The following LANCL1 variants were observed in gnomAD, a reference collection of about 807,000 sequenced individuals.
The protein encoded by LANCL1 is LanC like glutathione S-transferase 1.
A neutral mutation model predicts 50.6 loss-of-function variants in LANCL1; 50 were observed. That is an observed-to-expected ratio of 0.99 (90% CI 0.79 to 1.25). The LOEUF (loss-of-function observed/expected upper bound fraction) is 1.25. LANCL1 is among the 50% of genes most tolerant of loss of function. The pLI is 0.00. For synonymous variants in LANCL1, 188 were observed against 178.6 expected (o/e 1.05, Z -0.42); for missense variants, 532 against 480.7 (o/e 1.11, Z -1.00).
Position 210,476,602 on chromosome 2 carries a change from C to G in LANCL1, c.-17+18G>C, listed in dbSNP as rs1212026565. ...ACATGGCGCCTTCGCGAAAAAGCTG[C>G]CAGGGCCCTTAACCCACCCGGACAA... On this transcript the variant is annotated intron_variant, in intron 1 of 9. Transcript: ENST00000450366. 2.9e-6 allele frequency: 4 copies of G among 1,364,082 alleles called. No individual in the cohort carries two copies. Among genetic ancestry groups the G allele is most frequent in the Non-Finnish European group, 3.8e-6 (4 of 1,057,894 alleles). The allele number at this position is 1,364,082 out of a possible 1,614,324, so 84.5% of individuals were successfully genotyped here. A position where few individuals can be genotyped will look rare whatever the true frequency, so the allele number is the denominator to read the frequency against.
At chr2:210,456,622 G>A (rs1022311380) in intron 3 of LANCL1, among the ~76,000 whole-genome samples, 2 of 151,840 alleles carry the variant, frequency 1.3e-5, no homozygotes, top group African/African-American at 4.8e-5. Context: ...GATGTCAAGA[G>A]CTTCTTCTAA....
intron 3 of LANCL1, 108 bp from the exon 4 acceptor site, chr2:210,455,422 T>A: frequency 1.2e-6 from 1 of 862,870 alleles, no homozygotes; most frequent in Non-Finnish European, 1.8e-6. Context: ...GTAGCAAATT[T>A]ATTAATGATC....
chr2:210,466,140 C>A (rs571437248), intron 3 of LANCL1, among the ~76,000 whole-genome samples: 102 of 152,250 alleles, frequency 6.7e-4, no homozygotes, highest in South Asian at 2.5e-3. Context: ...AAATATCTTG[C>A]CAGTAGGGAC....
At chr2:210,444,063 A>G (rs1479824585) in intron 4 of LANCL1, among the ~76,000 whole-genome samples, 2 of 152,134 alleles carry the variant, frequency 1.3e-5, no homozygotes, top group Non-Finnish European at 1.5e-5. Flanking sequence ...TCTTCTTCCT[A>G]AAGTGTTTGC....
Position 210,436,395 on chromosome 2 carries a change from G to A in LANCL1, c.874-3C>T, listed in dbSNP as rs1472735322. On this transcript the variant is annotated splice_region_variant and splice_polypyrimidine_tract_variant and intron_variant, in intron 7 of 9. Coordinates refer to ENST00000450366, the MANE Select transcript of LANCL1 (RefSeq NM_006055.3). ...AGATACTTTTCCTCTCTGAATACCT[G>A]CAGAGGCAAAGGACACATTTTATTA... 1.2e-6 allele frequency: 2 copies of A among 1,612,256 alleles called. No homozygotes were observed. Among genetic ancestry groups the A allele is most frequent in the Middle Eastern group, 1.6e-4 (1 of 6,076 alleles).
In LANCL1 at chr2:210,431,991, A is replaced by G. The variant is rs1427668032; in HGVS notation, c.*2496T>C. The G allele has an allele frequency of 6.6e-6, 1 of 152,212 alleles. No individual in the cohort carries two copies. The highest frequency in any genetic ancestry group is 1.9e-4 in the East Asian group (1 of 5,204). 9.4% of individuals were successfully genotyped at this position (152,212 alleles called of 1,614,324 possible). A position where few individuals can be genotyped will look rare whatever the true frequency, so the allele number is the denominator to read the frequency against. Reference sequence around the variant, plus strand: ...GAAGGTTTTATTACCTAGTCCCTGTATAGAGATAAGAGATGATGGTATTGA... The same window carrying G: ...GAAGGTTTTATTACCTAGTCCCTGTGTAGAGATAAGAGATGATGGTATTGA... On this transcript the variant is annotated 3_prime_UTR_variant, in exon 10 of 10. Coordinates refer to ENST00000450366, the MANE Select transcript of LANCL1 (RefSeq NM_006055.3).
intron 3 of LANCL1, among the ~76,000 whole-genome samples, chr2:210,471,126 A>G (rs778549106): frequency 6.9e-6 from 1 of 145,600 alleles, no homozygotes; most frequent in Non-Finnish European, 1.5e-5. Flanking sequence ...ATCTCACTGC[A>G]ATCTCCACCT....
intron 5 of LANCL1, among the ~76,000 whole-genome samples, 185 bp from the exon 6 acceptor site, chr2:210,440,929 G>C (rs764329636): frequency 5.9e-5 from 9 of 152,314 alleles, no homozygotes; most frequent in African/African-American, 2.2e-4. Context: ...AGCCTAGAAG[G>C]GGGAGGGCGT....
intron 4 of LANCL1, among the ~76,000 whole-genome samples, chr2:210,443,567 C>CCA (rs1693214969): frequency 6.6e-6 from 1 of 152,088 alleles, no homozygotes; most frequent in African/African-American, 2.4e-5. Context: ...ATAGTCCCTT[C>CCA]CAGTTTAGAA....
At chr2:210,462,134 C>T (rs916117306) in intron 3 of LANCL1, among the ~76,000 whole-genome samples, 1 of 152,122 alleles carries the variant, frequency 6.6e-6, no homozygotes, top group Non-Finnish European at 1.5e-5. Context: ...TGGTGAGACC[C>T]CAGTGATCTC....
At chr2:210,441,109 C>A (rs766382895) in intron 5 of LANCL1, among the ~76,000 whole-genome samples, 199 bp downstream of exon 5, 3 of 152,162 alleles carry the variant, frequency 2.0e-5, no homozygotes, top group Non-Finnish European at 2.9e-5. Context: ...GACTGGCCTT[C>A]GGACTCTTGA....
chr2:210,459,577 T>C (rs1400723877), intron 3 of LANCL1, among the ~76,000 whole-genome samples: 4 of 152,092 alleles, frequency 2.6e-5, no homozygotes, highest in African/African-American at 9.7e-5. Context: ...GCTGTCGCGA[T>C]GGAAATAACA....
chr2:210,434,392 C>G lies in LANCL1; in HGVS notation c.*95G>C. 3.5e-6 allele frequency: 3 copies of G among 858,418 alleles called. No individual in the cohort carries two copies. Among genetic ancestry groups the G allele is most frequent in the Non-Finnish European group, 5.5e-6 (3 of 547,230 alleles). 53.2% of individuals were successfully genotyped at this position (858,418 alleles called of 1,614,324 possible). On this transcript the variant is annotated 3_prime_UTR_variant, in exon 10 of 10. Transcript: ENST00000450366. ...TAACAAAATCAAGTCCACAGTTTGA[C>G]TCTTTGTTTCCTTGGAAAGCAACGG...
At chr2:210,460,572 A>T (rs1016632619) in intron 3 of LANCL1, 2 of 152,206 alleles carry the variant, frequency 1.3e-5, no homozygotes, top group African/African-American at 4.8e-5. Context: ...GTTCCTTTGT[A>T]ATTGTTTCTC....
At chr2:210,455,008 A>T in intron 4 of LANCL1, 99 bp downstream of exon 4, 2 of 964,770 alleles carry the variant, frequency 2.1e-6, no homozygotes, top group Non-Finnish European at 3.1e-6. Flanking sequence ...TTTATCTGCT[A>T]AGAGAAAAGT....
chr2:210,435,539 A>ACTTT, intron 8 of LANCL1, 80 bp from the exon 9 acceptor site: 1 of 1,044,010 alleles, frequency 9.6e-7, no homozygotes, highest in South Asian at 1.3e-5. Flanking sequence ...GTCTATACAA[A>ACTTT]TTACTCTGAA....
chr2:210,467,119 G>A (rs1303198354), intron 3 of LANCL1, among the ~76,000 whole-genome samples: 2 of 152,190 alleles, frequency 1.3e-5, no homozygotes, highest in African/African-American at 2.4e-5. Context: ...ACCAGAAAAT[G>A]AACTGATGTT....
intron 6 of LANCL1, among the ~76,000 whole-genome samples, chr2:210,439,736 G>A (rs930980297): frequency 6.6e-6 from 1 of 152,108 alleles, no homozygotes; most frequent in Non-Finnish European, 1.5e-5. Context: ...TAGAGGGCAG[G>A]TCCAACACTG....
chr2:210,476,455 C>A, intron 1 of LANCL1, 43 bp from the exon 2 acceptor site: 1 of 1,545,546 alleles, frequency 6.5e-7, no homozygotes, highest in South Asian at 1.2e-5. Context: ...GAGATAGGGG[C>A]CTCGGCCGAG....
Sources: allele counts gnomAD v4.1 joint callset (sites outside exome capture counted in the v4.1 genomes callset), GRCh38; gene constraint gnomAD v4.1.1; transcripts MANE v1.5; gene names NCBI Gene and HGNC (gene_info 2026-07-23, HGNC 2026-07-21).